Variants in LEMD2 observed in about 807,000 individuals in gnomAD.
LEMD2 encodes LEM domain nuclear envelope protein 2.
In LEMD2, 34 loss-of-function variants were observed where a neutral mutation model predicts 58.8. The ratio of observed to expected loss-of-function variants is 0.58; its 90% CI spans 0.44 to 0.77. LEMD2 has a LOEUF of 0.77. Ranked by LOEUF, LEMD2 falls within the 30% of genes least tolerant of loss-of-function variation. The pLI is 0.00. For missense variants in LEMD2, 629 were observed against 717.9 expected, an observed-to-expected ratio of 0.88 and a Z score of 1.42; for synonymous variants, 298 against 308.9, an observed-to-expected ratio of 0.96 and a Z score of 0.37.
At chr6:33,777,089 A>T in intron 7 of LEMD2, 33 bp from the exon 8 acceptor site, 1 of 1,610,946 alleles carries the variant, frequency 6.2e-7, no homozygotes, top group Non-Finnish European at 8.5e-7. Context: ...TAGGGCAAGG[A>T]CCCTCTGGCT....
chr6:33,784,477 G>GCCCCC, intron 2 of LEMD2, 50 bp from the exon 3 acceptor site: 2 of 430,802 alleles, frequency 4.6e-6, no homozygotes, highest in Non-Finnish European at 4.8e-6. Flanking sequence ...GGTGGGAGGG[G>GCCCCC]TCCGTCTGTC....
chr6:33,787,013 CAA>C, intron 1 of LEMD2: 1 of 885,944 alleles, frequency 1.1e-6, no homozygotes, highest in Non-Finnish European at 1.6e-6. Flanking sequence ...ATGATTAGCT[CAA>C]GTTTCTTGGG....
In LEMD2 at chr6:33,788,982, G is replaced by A. The variant is rs200724068; in HGVS notation, c.135C>T (p.Arg45=). ...CCTCCTCCCGCAGCCGCTCCTCGTC[G>A]CGCAGCCGGGCCTCGCCCCGCAGGC... ...LRRLRGEARL[R]DEERLREEAR... The change falls in exon 1 of 9, where the codon CGC becomes CGT. Residue 45 remains arginine (R), a synonymous_variant. Transcript: ENST00000293760. The A allele has an allele frequency of 1.9e-6, 3 of 1,542,460 alleles. No individual in the cohort carries two copies. The highest frequency in any genetic ancestry group is 1.7e-6 in the Non-Finnish European group (2 of 1,152,390).
rs968191916 is a variant in LEMD2 at position 33,778,041 on chromosome 6, G to A, written c.1156+201C>T. ...AAGGACATTTTCTAGTTATCCTCAC[G>A]GATTCCTGCCACCAATCTCCAAAGG... On this transcript the variant is annotated intron_variant, in intron 6 of 8. Coordinates refer to ENST00000293760, the MANE Select transcript of LEMD2 (RefSeq NM_181336.4). This position sits in a 1 kb window ranked among gnomAD's most constrained non-coding sequence, Gnocchi z 4.7. Among the ~76,000 whole-genome samples the A allele has an allele frequency of 6.6e-6, 1 of 152,190 alleles. No individual in the cohort carries two copies. Among genetic ancestry groups the A allele is most frequent in the Non-Finnish European group, 1.5e-5 (1 of 68,034 alleles).
In LEMD2 at chr6:33,778,313, C is replaced by T. The variant is rs989697500; in HGVS notation, c.1085G>A (p.Arg362His). Residue 362 changes from arginine to histidine, a missense_variant, in exon 6 of 9, where the codon CGC becomes CAC. Around this residue, in one of 2 missense-constraint regions of LEMD2, gnomAD observed 243 missense variants for 336.8 expected, o/e 0.72. Coordinates refer to ENST00000293760, the MANE Select transcript of LEMD2 (RefSeq NM_181336.4). This position sits in a 1 kb window ranked among gnomAD's most constrained non-coding sequence, Gnocchi z 4.7. ...GCTCAGGCGGCAGCCAACACCCATGCGGGGGTGGGCAGATTCCAGGCAGAC... is the reference window on the plus strand; with the variant it reads ...GCTCAGGCGGCAGCCAACACCCATGTGGGGGTGGGCAGATTCCAGGCAGAC... ...KVVCLESAHP[R>H]MGVGCRLSRA... The T allele has an allele frequency of 4.4e-6, 7 of 1,607,946 alleles. No individual in the cohort carries two copies. In the South Asian group the frequency reaches 4.4e-5, roughly 10 times the overall value.
At chr6:33,780,919 A>G (rs1436642353) in intron 4 of LEMD2, among the ~76,000 whole-genome samples, 158 bp downstream of exon 4, 1 of 152,194 alleles carries the variant, frequency 6.6e-6, no homozygotes, top group Non-Finnish European at 1.5e-5. Flanking sequence ...AACTGAAGGT[A>G]GTCTAGCACA....
intron 8 of LEMD2, among the ~76,000 whole-genome samples, chr6:33,773,328 C>T (rs1767347688): frequency 3.3e-5 from 5 of 152,196 alleles, no homozygotes; most frequent in Admixed American, 3.3e-4. Flanking sequence ...TCTGCTGGGT[C>T]TCTAGGGCCT....
At chr6:33,783,962 A>T (rs1767618913) in intron 3 of LEMD2, among the ~76,000 whole-genome samples, 1 of 152,118 alleles carries the variant, frequency 6.6e-6, no homozygotes, top group Non-Finnish European at 1.5e-5. Context: ...CCAGCCAACC[A>T]CCTGGTTCAG....
At chr6:33,772,919 A>G in intron 8 of LEMD2, 141 bp from the exon 9 acceptor site, 1 of 702,006 alleles carries the variant, frequency 1.4e-6, no homozygotes, top group Non-Finnish European at 2.4e-6. Flanking sequence ...TACTAACATG[A>G]CAACTGCAGA....
At chr6:33,784,477 G>GGGGGGGGGGGGGGGGGGCCCCCCCC in intron 2 of LEMD2, 50 bp from the exon 3 acceptor site, 1 of 430,808 alleles carries the variant, frequency 2.3e-6, no homozygotes, top group Non-Finnish European at 4.8e-6. Flanking sequence ...GGTGGGAGGG[G>GGGGGGGGGGGGGGGGGGCCCCCCCC]TCCGTCTGTC....
In LEMD2 at chr6:33,781,135, T is replaced by C; in HGVS notation, c.872A>G (p.Asn291Ser). 6.2e-7 allele frequency: 1 copy of C among 1,611,112 alleles called. No homozygotes were observed. Among genetic ancestry groups the C allele is most frequent in the Non-Finnish European group, 8.5e-7 (1 of 1,178,204 alleles). The change falls in exon 4 of 9, where the codon AAT (asparagine) becomes AGT (serine). Residue 291 changes from asparagine (N) to serine (S), a missense_variant. Coordinates refer to ENST00000293760, the MANE Select transcript of LEMD2 (RefSeq NM_181336.4). ...AIQAGNFECG[N>S]PENLKSKCIP... ...GCATTTGCTTTTTAGATTCTCTGGA[T>C]TTCCACACTCAAAATTACCTAGGAG...
rs760934740 is a variant in LEMD2, at chr6:33,776,973, A to G, written c.1342T>C (p.Leu448=). Residue 448 remains leucine, a synonymous_variant, in exon 8 of 9, where the codon TTG becomes CTG. Transcript: ENST00000293760. ...YVGILHVRDS[L]IPPQSRRRMK... is the part of the protein sequence containing the mutation. ...ACTCACCGGCTCTGTGGAGGGATCA[A>G]GCTGTCGCGCACGTGCAGGATGCCT... 3 of 1,613,800 alleles carry G rather than the reference A, an allele frequency of 1.9e-6. No individual in the cohort carries two copies. The highest frequency in any genetic ancestry group is 2.5e-6 in the Non-Finnish European group (3 of 1,180,004).
chr6:33,786,925 A>G, intron 1 of LEMD2, 151 bp from the exon 2 acceptor site: 1 of 1,452,414 alleles, frequency 6.9e-7, no homozygotes, highest in Admixed American at 3.0e-5. Flanking sequence ...GCACTTTTAA[A>G]ATGCAGACAG....
chr6:33,787,036 A>T, intron 1 of LEMD2: 1 of 602,530 alleles, frequency 1.7e-6, no homozygotes, highest in Non-Finnish European at 2.6e-6. Context: ...CAACTCAACC[A>T]CTCTGAACCT....
At chr6:33,775,682 A>G (rs1384343674) in intron 8 of LEMD2, among the ~76,000 whole-genome samples, 1 of 152,196 alleles carries the variant, frequency 6.6e-6, no homozygotes, top group Non-Finnish European at 1.5e-5. Context: ...TGATGTTGAC[A>G]GTAGAGCCTG....
chr6:33,788,463 G>C lies in LEMD2; in HGVS notation c.654C>G (p.Ser218Arg), dbSNP rs1444165030. The C allele has an allele frequency of 8.9e-6, 14 of 1,568,998 alleles. No homozygotes were observed. The highest frequency in any genetic ancestry group is 1.1e-5 in the Non-Finnish European group (13 of 1,158,558). Residue 218 changes from serine to arginine, a missense_variant, in exon 1 of 9, where the codon AGC becomes AGG. Physicochemically the swap from Ser to Arg is moderately radical, Grantham distance 110. Transcript: ENST00000293760. Reference protein sequence around the residue: ...RWLSRLLLWASLGLLLVFLGI... With the variant: ...RWLSRLLLWARLGLLLVFLGI... ...CCAGGAAGACGAGCAGTAGCCCTAG[G>C]CTGGCCCAGAGCAGAAGCCGAGAGA...
intron 4 of LEMD2, 81 bp downstream of exon 4, chr6:33,780,996 A>G: frequency 1.0e-6 from 1 of 974,334 alleles, no homozygotes; most frequent in Middle Eastern, 2.1e-4. Flanking sequence ...AACAAAAAAC[A>G]AAAACCCCAA....
At position 33,777,088 on chromosome 6, in the gene LEMD2, G is replaced by A. The variant is rs575296965; in HGVS notation, c.1259-32C>T. ...GAGAGAGCACACCATTTAGGGCAAGGACCCTCTGGCTGGCGTCGGCAACCC... is the reference window on the plus strand; with the variant it reads ...GAGAGAGCACACCATTTAGGGCAAGAACCCTCTGGCTGGCGTCGGCAACCC... On this transcript the variant is annotated intron_variant, in intron 7 of 8. Transcript: ENST00000293760. The A allele has an allele frequency of 1.7e-5, 28 of 1,611,144 alleles. No homozygotes were observed. In the East Asian group the frequency reaches 6.2e-4, roughly 36 times the overall value.
Position 33,781,143 on chromosome 6 carries a change from C to A in LEMD2, c.864G>T (p.Glu288Asp), listed in dbSNP as rs200661472. 1 of 1,605,000 alleles carries A rather than the reference C, an allele frequency of 6.2e-7. No individual in the cohort carries two copies. Among genetic ancestry groups the A allele is most frequent in the East Asian group, 2.2e-5 (1 of 44,804 alleles). The change falls in exon 4 of 9, where the codon GAG becomes GAT. Residue 288 changes from glutamate (E) to aspartate (D), a missense_variant. By Grantham distance (45) the Glu-to-Asp change is conservative (BLOSUM62 2). Transcript: ENST00000293760. ...TTTTTAGATTCTCTGGATTTCCACA[C>A]TCAAAATTACCTAGGAGAAAAAAAA... ...NFLAIQAGNF[E>D]CGNPENLKSK...
Sources: allele counts gnomAD v4.1 joint callset (sites outside exome capture counted in the v4.1 genomes callset), GRCh38; gene constraint gnomAD v4.1.1; regional missense constraint gnomAD v4.1.1; non-coding constraint Gnocchi (gnomAD v3.1); transcripts MANE v1.5; gene names NCBI Gene and HGNC (gene_info 2026-07-23, HGNC 2026-07-21).